VAT1: variants seen among roughly 807,000 people sequenced by gnomAD.
VAT1 encodes vesicle amine transport 1.
Under a neutral mutation model 33.3 loss-of-function variants are expected in VAT1, and 24 were observed. The observed-to-expected ratio is 0.72, with a 90% CI of 0.52 to 1.01. The LOEUF is 1.01. Ranked by LOEUF, VAT1 falls within the 50% of genes least tolerant of loss-of-function variation. The pLI is 0.00. For synonymous variants in VAT1, 212 were observed against 225.0 expected, an observed-to-expected ratio of 0.94 and a Z score of 0.52; for missense variants, 436 against 533.7, an observed-to-expected ratio of 0.82 and a Z score of 1.80.
At chr17:43,020,909 AAAAG>A (rs2050561941) in intron 1 of VAT1, among the ~76,000 whole-genome samples, 1 of 151,898 alleles carries the variant, frequency 6.6e-6, no homozygotes, top group Non-Finnish European at 1.5e-5. Flanking sequence ...AAAGAAAAAA[AAAAG>A]AAACCTCTAA....
At chr17:43,016,816 G>A (rs1226424863) in intron 4 of VAT1, among the ~76,000 whole-genome samples, 3 of 151,970 alleles carry the variant, frequency 2.0e-5, no homozygotes, top group Non-Finnish European at 2.9e-5. Context: ...TCAGGAGTTC[G>A]AGACCAGCCT....
At chr17:43,017,689 C>T in intron 4 of VAT1, 152 bp downstream of exon 4, 3 of 588,138 alleles carry the variant, frequency 5.1e-6, no homozygotes, top group South Asian at 2.5e-5. Flanking sequence ...AATCTGAATG[C>T]AGCATACAGG....
chr17:43,016,514 G>A lies in VAT1; in HGVS notation c.891C>T (p.Asn297=), dbSNP rs1185666889. ...ACCATGTCCGGGCCAGGGCCATCAG[G>A]TTCCGTTTGGGGCCCGTCAGCAGGT... The part of the protein sequence containing the change: ...MANLLTGPKR[N]LMALARTWWN... Residue 297 remains asparagine (N), a synonymous_variant, in exon 5 of 6, where the codon AAC becomes AAT. Coordinates refer to ENST00000355653, the MANE Select transcript of VAT1 (RefSeq NM_006373.4). The A allele has an allele frequency of 6.2e-7, 1 of 1,613,820 alleles. No individual in the cohort carries two copies. The highest frequency in any genetic ancestry group is 8.5e-7 in the Non-Finnish European group (1 of 1,180,000).
In VAT1 at chr17:43,016,456, G is replaced by A. The variant is rs1458866234; in HGVS notation, c.949C>T (p.Leu317=). The A allele has an allele frequency of 6.2e-7, 1 of 1,614,232 alleles. No homozygotes were observed. The highest frequency in any genetic ancestry group is 1.1e-5 in the South Asian group (1 of 91,080). The change falls in exon 5 of 6, where the codon CTG becomes TTG. Residue 317 remains leucine (L), a synonymous_variant. Transcript: ENST00000355653. ...NQFSVTALQL[L]QANRAVCGFH... is the part of the protein sequence containing the mutation. ...CCACACACAGCCCGGTTGGCCTGCA[G>A]CAGCTGCAGAGCTGTCACGCTGAAC...
At chr17:43,018,255 C>G (rs766624562) in intron 2 of VAT1, 49 bp from the exon 3 acceptor site, 1 of 1,571,172 alleles carries the variant, frequency 6.4e-7, no homozygotes, top group African/African-American at 1.3e-5. Context: ...CCCTGGCCAC[C>G]AACCACTCCA....
intron 4 of VAT1, 44 bp from the exon 5 acceptor site, chr17:43,016,592 T>C (rs780554529): frequency 6.2e-7 from 1 of 1,601,126 alleles, no homozygotes; most frequent in Admixed American, 1.7e-5. Flanking sequence ...CCCAGGCACA[T>C]CCCTGTGTGT....
rs756638074 is a variant in VAT1, at chr17:43,016,528, C to A, written c.877G>T (p.Gly293Cys). ...AGGGCCATCAGGTTCCGTTTGGGGC[C>A]CGTCAGCAGGTTGGCCATTCCTGAA... Reference protein sequence around the residue: ...VTYGMANLLTGPKRNLMALAR... With the variant: ...VTYGMANLLTCPKRNLMALAR... The change falls in exon 5 of 6, where the codon GGC (glycine) becomes TGC (cysteine). Residue 293 changes from glycine (G) to cysteine (C), a missense_variant. Gly to Cys is a radical substitution (Grantham distance 159). Transcript: ENST00000355653. The A allele has an allele frequency of 5.0e-6, 8 of 1,613,486 alleles. No individual in the cohort carries two copies. The highest frequency in any genetic ancestry group is 6.8e-6 in the Non-Finnish European group (8 of 1,179,924).
In VAT1 at chr17:43,018,077, G is replaced by A. The variant is rs1481000621; in HGVS notation, c.725C>T (p.Thr242Met). Residue 242 changes from threonine to methionine, a missense_variant, in exon 3 of 6, where the codon ACG (threonine) becomes ATG (methionine). Transcript: ENST00000355653. ...CTTGATCTCATCCACGTAGTCAGTC[G>A]TGTGATAGTCGATGGGATGTGTGAC... The part of the protein sequence containing the change: ...NGVTHPIDYH[T>M]TDYVDEIKKI... 13 of 1,613,760 alleles carry A rather than the reference G, an allele frequency of 8.1e-6. No individual in the cohort carries two copies. The highest frequency in any genetic ancestry group is 5.3e-5 in the African/African-American group (4 of 74,802).
In VAT1 at chr17:43,016,547, T is replaced by C; in HGVS notation, c.858A>G (p.Gly286=). ...TGGGGCCCGTCAGCAGGTTGGCCAT[T>C]CCTGAAGGACAAGGTGACATAGCCT... is the stretch of plus-strand genomic sequence containing the variant. ...LKPMGKVVTY[G]MANLLTGPKR... The change falls in exon 5 of 6, where the codon GGA becomes GGG. Residue 286 remains glycine, a splice_region_variant and synonymous_variant. Transcript: ENST00000355653. The C allele has an allele frequency of 6.2e-7, 1 of 1,612,852 alleles. No homozygotes were observed. Among genetic ancestry groups the C allele is most frequent in the Non-Finnish European group, 8.5e-7 (1 of 1,179,788 alleles).
At chr17:43,021,458 C>G (rs1356700710) in intron 1 of VAT1, among the ~76,000 whole-genome samples, 1 of 152,216 alleles carries the variant, frequency 6.6e-6, no homozygotes, top group Non-Finnish European at 1.5e-5. Context: ...GACCAGGACT[C>G]TGGCACGGCC....
chr17:43,018,169 T>G lies in VAT1; in HGVS notation c.633A>C (p.Thr211=). 6.2e-7 allele frequency: 1 copy of G among 1,613,570 alleles called. No homozygotes were observed. Among genetic ancestry groups the G allele is most frequent in the East Asian group, 2.2e-5 (1 of 44,864 alleles). ...VGMAAVQLCR[T]VENVTVFGTA... is the part of the protein sequence containing the mutation. ...TTCCGAACACTGTCACATTCTCCACTGTACGGCACAGCTGCACGGCAGCCA... is the reference window on the plus strand; with the variant it reads ...TTCCGAACACTGTCACATTCTCCACGGTACGGCACAGCTGCACGGCAGCCA... The change falls in exon 3 of 6, where the codon ACA becomes ACC. Residue 211 remains threonine (T), a synonymous_variant. Transcript: ENST00000355653.
rs1431033802 is a variant in VAT1, at chr17:43,015,714, G to A, written c.*347C>T. Reference sequence around the variant, plus strand: ...GCGGGGCAGGGACGGGAGGAAAGATGAGGCAGAGGTGAAAGCACATGGAAC... The same window carrying A: ...GCGGGGCAGGGACGGGAGGAAAGATAAGGCAGAGGTGAAAGCACATGGAAC... On this transcript the variant is annotated 3_prime_UTR_variant, in exon 6 of 6. Transcript: ENST00000355653. The A allele has an allele frequency of 3.2e-6, 1 of 309,116 alleles. No homozygotes were observed. The highest frequency in any genetic ancestry group is 6.1e-6 in the Non-Finnish European group (1 of 165,218). 19.1% of individuals were successfully genotyped at this position (309,116 alleles called of 1,614,324 possible). A position where few individuals can be genotyped will look rare whatever the true frequency, so the allele number is the denominator to read the frequency against.
rs763854637 is a variant in VAT1 at position 43,016,312 on chromosome 17, C to T, written c.1093G>A (p.Glu365Lys). ...KPHIDSVWPF[E>K]KVADAMKQMQ... ...TGCAAAGTCCTCACATTCACCTTCT[C>T]GAAGGGCCAGACTGAGTCAATGTGG... The change falls in exon 5 of 6, where the codon GAG becomes AAG. Residue 365 changes from glutamate to lysine, a missense_variant. By Grantham distance (56) the Glu-to-Lys change is moderately conservative. Transcript: ENST00000355653. 2.2e-5 allele frequency: 35 copies of T among 1,608,394 alleles called. No homozygotes were observed. Among genetic ancestry groups the T allele is most frequent in the East Asian group, 4.5e-5 (2 of 44,874 alleles).
Position 43,015,679 on chromosome 17 carries a change from T to G in VAT1, c.*382A>C. 3.7e-6 allele frequency: 1 copy of G among 267,808 alleles called. No individual in the cohort carries two copies. The highest frequency in any genetic ancestry group is 7.2e-6 in the Non-Finnish European group (1 of 138,740). The allele number at this position is 267,808 out of a possible 1,614,324, so 16.6% of individuals were successfully genotyped here. A position where few individuals can be genotyped will look rare whatever the true frequency, so the allele number is the denominator to read the frequency against. On this transcript the variant is annotated 3_prime_UTR_variant, in exon 6 of 6. Transcript: ENST00000355653. ...ATCCTGAGCTGACGTTTCAATTCTT[T>G]GGGGAGGTGGCGGGGCAGGGACGGG...
At position 43,016,106 on chromosome 17, in the gene VAT1, ATTC is replaced by A. The variant is rs746176827; in HGVS notation, c.1134_1136del (p.Lys378del). On this transcript the variant is annotated inframe_deletion, in exon 6 of 6. Transcript: ENST00000355653. Reference sequence around the variant, plus strand: ...CTGGAACCAGGAGGACCTTGCCCACATTCTTCTTCTCCTGCATCTGTTTCATGG... The same window carrying A: ...CTGGAACCAGGAGGACCTTGCCCACATTCTTCTCCTGCATCTGTTTCATGG... 2.8e-5 allele frequency: 46 copies of A among 1,614,088 alleles called. No homozygotes were observed. The African/African-American group carries it at 4.0e-4, about 14-fold the overall frequency.
intron 4 of VAT1, 57 bp from the exon 5 acceptor site, chr17:43,016,605 G>GC: frequency 6.3e-7 from 1 of 1,592,004 alleles, no homozygotes; most frequent in East Asian, 2.3e-5. Context: ...CTGTGTGTCT[G>GC]CATCTGTGCT....
intron 2 of VAT1, 31 bp from the exon 3 acceptor site, chr17:43,018,237 T>G (rs749684005): frequency 1.3e-6 from 2 of 1,591,938 alleles, no homozygotes; most frequent in African/African-American, 2.7e-5. Flanking sequence ...GCAGGGGATA[T>G]GGAGTTGCCC....
At position 43,021,519 on chromosome 17, in the gene VAT1, G is replaced by A. The variant is rs887190291; in HGVS notation, c.387+417C>T. On this transcript the variant is annotated intron_variant, in intron 1 of 5. Coordinates refer to ENST00000355653, the MANE Select transcript of VAT1 (RefSeq NM_006373.4). ...ACATAGCCCCTCAAGCTCCCTCGGG[G>A]AAAGGGGGCACTAACCGTCACTCAT... Among the ~76,000 whole-genome samples the A allele has an allele frequency of 4.6e-5, 7 of 150,904 alleles. No homozygotes were observed. The Admixed American group carries it at 4.7e-4, about 10-fold the overall frequency.
Position 43,016,011 on chromosome 17 carries a change from C to T in VAT1, c.*50G>A, listed in dbSNP as rs764992517. ...AAGTCTGGTGGCCAACAGAACGTAGCTTCCCAACTTCTCCCTTCGCTGGTC... is the reference window on the plus strand; with the variant it reads ...AAGTCTGGTGGCCAACAGAACGTAGTTTCCCAACTTCTCCCTTCGCTGGTC... On this transcript the variant is annotated 3_prime_UTR_variant, in exon 6 of 6. Transcript: ENST00000355653. The T allele has an allele frequency of 1.2e-6, 2 of 1,600,280 alleles. No individual in the cohort carries two copies. Among genetic ancestry groups the T allele is most frequent in the Non-Finnish European group, 1.7e-6 (2 of 1,168,854 alleles).
Sources: gnomAD v4.1 joint callset for allele counts (sites outside exome capture counted in the v4.1 genomes callset) on GRCh38, gnomAD v4.1.1 for gene constraint, MANE v1.5 for transcripts, NCBI Gene and HGNC (gene_info 2026-07-23, HGNC 2026-07-21) for gene names.